The following GLG1 variants were observed in gnomAD, a reference collection of about 807,000 sequenced individuals.
GLG1 encodes the protein Golgi apparatus protein 1.
A neutral mutation model predicts 160.5 loss-of-function variants in GLG1; 38 were observed. That is an observed-to-expected ratio of 0.24 (90% CI 0.18 to 0.31). The LOEUF is 0.31. Among genes scored for constraint, GLG1 ranks in the 10% least tolerant of loss-of-function variants. GLG1 has a pLI of 1.00. For synonymous variants in GLG1, 644 were observed against 543.4 expected (o/e 1.19, Z -2.57); for missense variants, 1,373 against 1,505.2 (o/e 0.91, Z 1.45).
At chr16:74,469,878 G>T (rs1290540069) in intron 16 of GLG1, 107 bp downstream of exon 16, 1 of 773,762 alleles carries the variant, frequency 1.3e-6, no homozygotes, top group African/African-American at 1.7e-5. Context: ...AGGCCTCCAG[G>T]GCTAACCCCA....
intron 1 of GLG1, among the ~76,000 whole-genome samples, chr16:74,600,693 T>C (rs1441318811): frequency 3.4e-5 from 5 of 145,186 alleles, no homozygotes; most frequent in Non-Finnish European, 7.4e-5. Flanking sequence ...GAATACGCCA[T>C]TGCACTCCAA....
chr16:74,569,520 G>C (rs2143773599), intron 1 of GLG1, among the ~76,000 whole-genome samples: 1 of 152,232 alleles, frequency 6.6e-6, no homozygotes, highest in East Asian at 1.9e-4. Flanking sequence ...CTCTAACAGA[G>C]TCTAGCTTAT....
At chr16:74,560,013 T>C (rs1300271550) in intron 1 of GLG1, among the ~76,000 whole-genome samples, 3 of 152,230 alleles carry the variant, frequency 2.0e-5, no homozygotes, top group East Asian at 3.8e-4. Context: ...GAACCAACAA[T>C]GGTACACATT....
chr16:74,581,470 G>A (rs1957935295), intron 1 of GLG1, among the ~76,000 whole-genome samples: 1 of 150,580 alleles, frequency 6.6e-6, no homozygotes, highest in South Asian at 2.1e-4. Flanking sequence ...ATAGAATGGT[G>A]GTTGCCAGGG....
At chr16:74,486,920 T>A (rs1285229369) in intron 8 of GLG1, among the ~76,000 whole-genome samples, 1 of 138,902 alleles carries the variant, frequency 7.2e-6, no homozygotes, top group African/African-American at 2.5e-5. Flanking sequence ...AAATCTTTTT[T>A]TTTTCCCCCC....
intron 1 of GLG1, among the ~76,000 whole-genome samples, chr16:74,604,816 C>T (rs1160594065): frequency 2.0e-5 from 3 of 152,182 alleles, no homozygotes; most frequent in Admixed American, 1.3e-4. Context: ...TTTGGGAGCC[C>T]GAGGCTGGCA....
chr16:74,529,121 C>T (rs1316944780), intron 2 of GLG1, among the ~76,000 whole-genome samples: 20 of 151,896 alleles, frequency 1.3e-4, no homozygotes, highest in Admixed American at 1.3e-3. Context: ...CACCTGCCAC[C>T]ACACCCAGCT....
intron 11 of GLG1, among the ~76,000 whole-genome samples, chr16:74,479,073 A>AAAAAAAAAAAAAAAAAAAAAAAAAAAG (rs1567469672): frequency 7.4e-6 from 1 of 134,312 alleles, no homozygotes; most frequent in African/African-American, 2.8e-5. Context: ...AAAAAAAAAA[A>AAAAAAAAAAAAAAAAAAAAAAAAAAAG]AAAAAGCCAG....
intron 5 of GLG1, 37 bp downstream of exon 5, chr16:74,496,404 T>C: frequency 2.9e-6 from 4 of 1,365,452 alleles, no homozygotes; most frequent in Non-Finnish European, 4.2e-6. Flanking sequence ...TGTGTAAAAA[T>C]AAAAGGAAGA....
chr16:74,458,314 AT>A, intron 23 of GLG1: 1 of 206,636 alleles, frequency 4.8e-6, no homozygotes, highest in Non-Finnish European at 9.8e-6. Context: ...TAATATTTTT[AT>A]TGGTGTGATA....
chr16:74,493,002 T>C lies in GLG1; in HGVS notation c.1189A>G (p.Arg397Gly). Reference protein sequence around the residue: ...VENLPRSREARLSYLLMCLES... With the variant: ...VENLPRSREAGLSYLLMCLES... ...AGGCACATTAACAAGTAGGAGAGCC[T>C]GGCTTCACGCGATCGCGGAAGGTTT... Residue 397 changes from arginine (R) to glycine (G), a missense_variant, in exon 7 of 26, where the codon AGG (arginine) becomes GGG (glycine). By Grantham distance (125) the Arg-to-Gly change is moderately radical (BLOSUM62 -2). Transcript: ENST00000422840. The C allele has an allele frequency of 6.2e-7, 1 of 1,613,886 alleles. No homozygotes were observed. The highest frequency in any genetic ancestry group is 8.5e-7 in the Non-Finnish European group (1 of 1,179,876).
chr16:74,554,163 A>C (rs1252725747), intron 1 of GLG1, among the ~76,000 whole-genome samples: 2 of 152,216 alleles, frequency 1.3e-5, no homozygotes, highest in African/African-American at 2.4e-5. Flanking sequence ...AAAAAAATAC[A>C]ATGTGTACAA....
intron 1 of GLG1, among the ~76,000 whole-genome samples, chr16:74,571,452 C>A (rs73610521): frequency 6.6e-6 from 1 of 152,068 alleles, no homozygotes; most frequent in Non-Finnish European, 1.5e-5. Flanking sequence ...GTGGGAAGAT[C>A]ACTTGAGCCC....
In GLG1 at chr16:74,493,824, C is replaced by G. The variant is rs368383016; in HGVS notation, c.1051-684G>C. 7.6e-4 allele frequency among the ~76,000 whole-genome samples: 115 copies of G among 152,206 alleles called. 2 individuals are homozygous for G. In the South Asian group the frequency reaches 0.023, roughly 31 times the overall value. On this transcript the variant is annotated intron_variant, in intron 6 of 25. Transcript: ENST00000422840. The stretch of plus-strand genomic sequence containing the variant: ...GGTTAACCTAAACTTCTTGAGGAGG[C>G]AGGGCTGGCCTTAGTGTGGTTTTAT...
At chr16:74,490,965 G>A in intron 8 of GLG1, 36 bp downstream of exon 8, 1 of 1,434,840 alleles carries the variant, frequency 7.0e-7, no homozygotes, top group Non-Finnish European at 9.8e-7. Flanking sequence ...GCTGATAAAT[G>A]TGACATTCAA....
At chr16:74,567,655 G>A (rs1414630931) in intron 1 of GLG1, among the ~76,000 whole-genome samples, 1 of 136,460 alleles carries the variant, frequency 7.3e-6, no homozygotes, top group East Asian at 2.4e-4. Flanking sequence ...TGCAAGCTCC[G>A]CTTCCCGGGT....
Position 74,452,180 on chromosome 16 carries a change from C to A in GLG1, c.*987G>T. 3.1e-6 allele frequency: 5 copies of A among 1,591,800 alleles called. No homozygotes were observed. Among genetic ancestry groups the A allele is most frequent in the Non-Finnish European group, 4.3e-6 (5 of 1,168,738 alleles). On this transcript the variant is annotated 3_prime_UTR_variant, in exon 26 of 26. Coordinates refer to ENST00000422840, the MANE Select transcript of GLG1 (RefSeq NM_001145667.2). ...CAAACCTCTGGCTCCCACTTCCTGA[C>A]CCACTGCTCCCCACACCCATCTTCA...
chr16:74,465,873 C>A, intron 18 of GLG1, 60 bp from the exon 19 acceptor site: 1 of 1,428,606 alleles, frequency 7.0e-7, no homozygotes, highest in Non-Finnish European at 9.8e-7. Context: ...TCCATGTGTT[C>A]TGATTGAAAC....
chr16:74,544,419 A>T (rs8048239), intron 1 of GLG1, among the ~76,000 whole-genome samples: 102,574 of 152,092 alleles, frequency 0.67, 34,825 homozygotes, highest in East Asian at 0.81. Flanking sequence ...GTTCACGCGA[A>T]TCTCCTGCTT....
Sources: gnomAD v4.1 joint callset for allele counts (sites outside exome capture counted in the v4.1 genomes callset) on GRCh38, gnomAD v4.1.1 for gene constraint, MANE v1.5 for transcripts, NCBI Gene and HGNC (gene_info 2026-07-23, HGNC 2026-07-21) for gene names.